AGBL4: variants seen among roughly 807,000 people sequenced by gnomAD.
AGBL4 encodes the protein AGBL carboxypeptidase 4.
In AGBL4, 58 loss-of-function variants were observed where a neutral mutation model predicts 66.4. The observed-to-expected ratio is 0.87, with a 90% confidence interval of 0.71 to 1.09. The LOEUF is 1.09. Among genes scored for constraint, AGBL4 ranks in the 50% least tolerant of loss-of-function variants. The pLI is 0.00. For missense variants in AGBL4, 579 were observed against 631.0 expected (o/e 0.92, Z 0.88); for synonymous variants, 234 against 222.9 (o/e 1.05, Z -0.44).
chr1:48,600,621 C>A (rs1645061427), intron 9 of AGBL4, among the ~76,000 whole-genome samples: 1 of 152,140 alleles, frequency 6.6e-6, no homozygotes, highest in African/African-American at 2.4e-5. Context: ...TATAAGGAAA[C>A]CAAGGCAAAG....
At chr1:48,833,191 C>G (rs1057094900) in intron 6 of AGBL4, among the ~76,000 whole-genome samples, 1 of 152,062 alleles carries the variant, frequency 6.6e-6, no homozygotes, top group Non-Finnish European at 1.5e-5. Flanking sequence ...TGTGCAGAGG[C>G]TGGAAGAGTT....
intron 2 of AGBL4, among the ~76,000 whole-genome samples, chr1:49,714,920 G>C (rs1207280212): frequency 2.6e-5 from 4 of 151,526 alleles, no homozygotes; most frequent in African/African-American, 9.7e-5. Context: ...TCTTTTCTAT[G>C]CATCCTCACT....
At chr1:48,627,778 C>T (rs566102111) in intron 9 of AGBL4, among the ~76,000 whole-genome samples, 12 of 152,182 alleles carry the variant, frequency 7.9e-5, no homozygotes, top group African/African-American at 1.7e-4. Flanking sequence ...GAAATCACCT[C>T]GGAGTGTACA....
At chr1:49,723,070 C>A (rs534592969) in intron 2 of AGBL4, among the ~76,000 whole-genome samples, 1 of 151,946 alleles carries the variant, frequency 6.6e-6, no homozygotes, top group African/African-American at 2.4e-5. Flanking sequence ...TTTTCAACAA[C>A]GTGCAGCCAA....
chr1:49,245,683 TG>T (rs1449561752), intron 4 of AGBL4, 86 bp downstream of exon 4: 3 of 853,398 alleles, frequency 3.5e-6, no homozygotes, highest in East Asian at 2.7e-5. Context: ...TAATTTTTTT[TG>T]GGGGTCCATT....
At chr1:49,823,437 C>T (rs978962609) in intron 2 of AGBL4, among the ~76,000 whole-genome samples, 3 of 152,224 alleles carry the variant, frequency 2.0e-5, no homozygotes, top group Middle Eastern at 3.4e-3. Context: ...TATTAATACA[C>T]GTTGGTTGTT....
intron 4 of AGBL4, among the ~76,000 whole-genome samples, chr1:49,223,884 T>G (rs952604026): frequency 1.3e-5 from 2 of 152,228 alleles, no homozygotes; most frequent in African/African-American, 4.8e-5. Flanking sequence ...GACAGTAACA[T>G]GTTGTGCTAA....
chr1:49,396,206 A>C (rs966748439), intron 3 of AGBL4, among the ~76,000 whole-genome samples: 1 of 152,032 alleles, frequency 6.6e-6, no homozygotes, highest in African/African-American at 2.4e-5. Flanking sequence ...TACACAAAGC[A>C]TCTTGGAATG....
intron 3 of AGBL4, among the ~76,000 whole-genome samples, chr1:49,642,109 T>A (rs571870881): frequency 6.6e-6 from 1 of 152,054 alleles, no homozygotes; most frequent in South Asian, 2.1e-4. Context: ...TTCTCAAAGA[T>A]GGTATTAAGC....
chr1:48,837,703 C>A (rs1246268473), intron 6 of AGBL4, among the ~76,000 whole-genome samples: 4 of 97,966 alleles, frequency 4.1e-5, no homozygotes, highest in Non-Finnish European at 7.8e-5. Flanking sequence ...CACACGCACA[C>A]ACACACACTA....
chr1:49,672,937 A>G (rs552944260), intron 3 of AGBL4, among the ~76,000 whole-genome samples: 121 of 150,482 alleles, frequency 8.0e-4, no homozygotes, highest in South Asian at 1.7e-3. Context: ...AAAAAAAAAA[A>G]AAAAGAAAAG....
Position 48,539,685 on chromosome 1 carries a change from TCAGCC to T in AGBL4, c.1316_1320del (p.Arg439GlnfsTer5), listed in dbSNP as rs1329766637. ...ATTGCCACCTTTTCAACCACGGGGT[TCAGCC>T]GATAATAGTCCAAAAAGGTTCTTGC... On this transcript the variant is annotated frameshift_variant, in exon 12 of 14. Transcript: ENST00000371839. LOFTEE classifies it high-confidence loss of function. The T allele has an allele frequency of 1.3e-6, 2 of 1,544,774 alleles. No individual in the cohort carries two copies. The highest frequency in any genetic ancestry group is 2.8e-5 in the African/African-American group (2 of 72,690).
intron 6 of AGBL4, among the ~76,000 whole-genome samples, chr1:48,694,770 C>A (rs2148497409): frequency 6.6e-6 from 1 of 152,234 alleles, no homozygotes; most frequent in African/African-American, 2.4e-5. Flanking sequence ...CTAGCAAGAC[C>A]CCTTGAAACT....
At chr1:49,526,149 T>C (rs931593050) in intron 3 of AGBL4, among the ~76,000 whole-genome samples, 7 of 151,840 alleles carry the variant, frequency 4.6e-5, no homozygotes, top group Non-Finnish European at 7.4e-5. Flanking sequence ...GGATTAGCAA[T>C]TGCTCAATAA....
At chr1:48,832,114 A>G (rs971765356) in intron 6 of AGBL4, among the ~76,000 whole-genome samples, 7 of 152,208 alleles carry the variant, frequency 4.6e-5, no homozygotes, top group Non-Finnish European at 8.8e-5. Context: ...GAAGGGGTGC[A>G]GTAGGATCAA....
chr1:49,728,781 T>C (rs987870958), intron 2 of AGBL4, among the ~76,000 whole-genome samples: 1 of 152,148 alleles, frequency 6.6e-6, no homozygotes, highest in Non-Finnish European at 1.5e-5. Flanking sequence ...GTTGCCAGCA[T>C]AGTTTGGAAG....
rs1647824197 is a variant in AGBL4, at chr1:49,202,887, T to C, written c.377+42883A>G. Reference sequence around the variant, plus strand: ...ATGAGGGGTTAATATCCAGAATATATAAAGAACTCCTACAAATCAAAAACA... The same window carrying C: ...ATGAGGGGTTAATATCCAGAATATACAAAGAACTCCTACAAATCAAAAACA... On this transcript the variant is annotated intron_variant, in intron 4 of 13. Coordinates refer to ENST00000371839, the MANE Select transcript of AGBL4 (RefSeq NM_032785.4). Among the ~76,000 whole-genome samples the C allele has an allele frequency of 2.0e-5, 3 of 151,698 alleles. No homozygotes were observed. The South Asian group carries it at 6.2e-4, about 31-fold the overall frequency.
At chr1:49,541,803 G>T (rs1652056219) in intron 3 of AGBL4, among the ~76,000 whole-genome samples, 1 of 152,238 alleles carries the variant, frequency 6.6e-6, no homozygotes, top group Non-Finnish European at 1.5e-5. Context: ...GGGACTTGGA[G>T]AACCTTTATG....
At chr1:49,566,062 C>A (rs879074164) in intron 3 of AGBL4, among the ~76,000 whole-genome samples, 1 of 152,190 alleles carries the variant, frequency 6.6e-6, no homozygotes, top group Non-Finnish European at 1.5e-5. Flanking sequence ...CGTCTTCCAT[C>A]GCTGATACCC....
Sources: gnomAD v4.1 joint callset for allele counts (sites outside exome capture counted in the v4.1 genomes callset) on GRCh38, gnomAD v4.1.1 for gene constraint, MANE v1.5 for transcripts, NCBI Gene and HGNC (gene_info 2026-07-23, HGNC 2026-07-21) for gene names.